Variants in BBS5 observed in about 807,000 individuals in gnomAD.
BBS5 encodes the protein Bardet-Biedl syndrome 5, also known as BBSome complex member BBS5.
In BBS5, 39 loss-of-function variants were observed where a neutral mutation model predicts 50.2. The observed-to-expected ratio is 0.78, with a 90% confidence interval of 0.60 to 1.01. BBS5 has a LOEUF of 1.01. Among genes scored for constraint, BBS5 ranks in the 50% least tolerant of loss-of-function variants. BBS5 has a pLI of 0.00. For synonymous variants in BBS5, 134 were observed against 133.1 expected (o/e 1.01, Z -0.05); for missense variants, 356 against 401.5 (o/e 0.89, Z 0.97).
At position 169,487,849 on chromosome 2, in the gene BBS5, T is replaced by TA. The variant is rs1559122150; in HGVS notation, c.254dup (p.Asn85LysfsTer3). Reference sequence around the variant, plus strand: ...TATTGAATATTACAACAAGGACTGCTAACTCTGTAAGTCTAAAAAATCTTA... The same window carrying TA: ...TATTGAATATTACAACAAGGACTGCTAAACTCTGTAAGTCTAAAAAATCTTA... On this transcript the variant is annotated frameshift_variant, in exon 4 of 12. Transcript: ENST00000295240. LOFTEE classifies it high-confidence loss of function. The TA allele has an allele frequency of 1.2e-6, 2 of 1,605,938 alleles. No homozygotes were observed. Among genetic ancestry groups the TA allele is most frequent in the South Asian group, 2.2e-5 (2 of 90,646 alleles).
chr2:169,497,516 G>A (rs1683714076), intron 7 of BBS5, 111 bp from the exon 8 acceptor site: 21 of 692,610 alleles, frequency 3.0e-5, no homozygotes, highest in Admixed American at 1.6e-4. Context: ...GGAGAATTCT[G>A]TTCTTTAGAC....
intron 3 of BBS5, 65 bp from the exon 4 acceptor site, chr2:169,487,741 T>A (rs1683510545): frequency 2.5e-6 from 3 of 1,210,606 alleles, no homozygotes; most frequent in African/African-American, 1.5e-5. Context: ...ACTTTTTTTT[T>A]AGAAAAGTAT....
chr2:169,504,027 A>C (rs1416331837), intron 10 of BBS5, among the ~76,000 whole-genome samples: 1 of 151,950 alleles, frequency 6.6e-6, no homozygotes. Context: ...CCACATGATG[A>C]TTAAGTCATT....
Position 169,502,985 on chromosome 2 carries a change from GA to G in BBS5, c.817-109del, listed in dbSNP as rs1683836470. The G allele has an allele frequency of 2.4e-6, 2 of 824,544 alleles. 1 individual carries two copies. The highest frequency in any genetic ancestry group is 4.0e-6 in the Non-Finnish European group (2 of 496,254). The allele number at this position is 824,544 out of a possible 1,614,324, so 51.1% of individuals were successfully genotyped here. A position where few individuals can be genotyped will look rare whatever the true frequency, so the allele number is the denominator to read the frequency against. ...TTAATAAAATAACAAATTATACCGTGATTTTTATAAGACTTTAGTAGTTTGT... is the reference window on the plus strand; with the variant it reads ...TTAATAAAATAACAAATTATACCGTGTTTTTATAAGACTTTAGTAGTTTGT... On this transcript the variant is annotated intron_variant, in intron 9 of 11. Coordinates refer to ENST00000295240, the MANE Select transcript of BBS5 (RefSeq NM_152384.3).
chr2:169,495,922 C>T (rs771694506), intron 7 of BBS5, among the ~76,000 whole-genome samples: 9 of 152,192 alleles, frequency 5.9e-5, no homozygotes, highest in Non-Finnish European at 8.8e-5. Context: ...CCTATATAGG[C>T]GTGAGCCCCC....
Position 169,505,153 on chromosome 2 carries a change from C to G in BBS5, c.*571C>G, listed in dbSNP as rs1045163856. 1 of 658,942 alleles carries G rather than the reference C, an allele frequency of 1.5e-6. No individual in the cohort carries two copies. Among genetic ancestry groups the G allele is most frequent in the African/African-American group, 1.8e-5 (1 of 55,910 alleles). 40.8% of individuals were successfully genotyped at this position (658,942 alleles called of 1,614,324 possible). ...TATTTTTTTGGTGGAGACGGGGTTT[C>G]GCTGTGTTGGCCGGGCTGGTCTCCA... On this transcript the variant is annotated 3_prime_UTR_variant, in exon 12 of 12. Transcript: ENST00000295240.
At chr2:169,491,555 A>G (rs1683601228) in intron 5 of BBS5, among the ~76,000 whole-genome samples, 1 of 152,218 alleles carries the variant, frequency 6.6e-6, no homozygotes, top group African/African-American at 2.4e-5. Context: ...ATTAAAATTA[A>G]TCAAAAGTTA....
Position 169,499,598 on chromosome 2 carries a change from T to A in BBS5, c.794T>A (p.Val265Asp), listed in dbSNP as rs760369493. 23 of 1,613,852 alleles carry A rather than the reference T, an allele frequency of 1.4e-5. No homozygotes were observed. Among genetic ancestry groups the A allele is most frequent in the Non-Finnish European group, 1.9e-5 (23 of 1,179,856 alleles). Residue 265 changes from valine (V) to aspartate (D), a missense_variant, in exon 9 of 12, where the codon GTT becomes GAT. Coordinates refer to ENST00000295240, the MANE Select transcript of BBS5 (RefSeq NM_152384.3). ...TATTCTGCCAGTCCCATATTTGGAG[T>A]TGATTATGAGATGGAAGAAAAGGTA... ...KVYSASPIFG[V>D]DYEMEEKPQP...
At chr2:169,488,332 A>C (rs919695186) in intron 5 of BBS5, among the ~76,000 whole-genome samples, 1 of 152,188 alleles carries the variant, frequency 6.6e-6, no homozygotes, top group African/African-American at 2.4e-5. Flanking sequence ...ATGTAGAATC[A>C]GTGGGAGCCC....
Position 169,505,932 on chromosome 2 carries a change from C to A in BBS5, c.*1350C>A. On this transcript the variant is annotated 3_prime_UTR_variant, in exon 12 of 12. Transcript: ENST00000295240. ...GTGAGGAGCCCCTCTGCCCCGCCAG[C>A]CACCCCGTCCGGGAGGGAGGTGGGG... The A allele has an allele frequency of 6.8e-6, 1 of 146,418 alleles. No individual in the cohort carries two copies. Among genetic ancestry groups the A allele is most frequent in the Non-Finnish European group, 1.5e-5 (1 of 66,758 alleles). The allele number at this position is 146,418 out of a possible 1,614,324, so 9.1% of individuals were successfully genotyped here. A position where few individuals can be genotyped will look rare whatever the true frequency, so the allele number is the denominator to read the frequency against.
Position 169,479,495 on chromosome 2 carries a change from G to A in BBS5, c.-59G>A. 1.3e-6 allele frequency: 2 copies of A among 1,595,858 alleles called. No homozygotes were observed. Among genetic ancestry groups the A allele is most frequent in the Non-Finnish European group, 1.7e-6 (2 of 1,165,056 alleles). ...GAGGCGGCCCGTTGCCTTGGAGCCA[G>A]AGAGACGCAGCTAGGCCTGCACGGC... On this transcript the variant is annotated 5_prime_UTR_variant, in exon 1 of 12. Coordinates refer to ENST00000295240, the MANE Select transcript of BBS5 (RefSeq NM_152384.3).
chr2:169,505,236 C>T lies in BBS5; in HGVS notation c.*654C>T, dbSNP rs1447719133. The T allele has an allele frequency of 2.1e-5, 10 of 467,148 alleles. No homozygotes were observed. The highest frequency in any genetic ancestry group is 3.2e-5 in the Non-Finnish European group (8 of 251,212). The allele number at this position is 467,148 out of a possible 1,614,324, so 28.9% of individuals were successfully genotyped here. A position where few individuals can be genotyped will look rare whatever the true frequency, so the allele number is the denominator to read the frequency against. ...CCTCCCGAGGTGCCGGGATTGCAGA[C>T]GGAGTCTGGTTCACTTAGTGCTCAA... On this transcript the variant is annotated 3_prime_UTR_variant, in exon 12 of 12. Transcript: ENST00000295240.
At chr2:169,499,176 T>C (rs1683751945) in intron 8 of BBS5, 1 of 298,566 alleles carries the variant, frequency 3.3e-6, no homozygotes, top group South Asian at 4.0e-5. Flanking sequence ...GATGAACTTA[T>C]ATTTGAATAC....
In BBS5 at chr2:169,506,490, T is replaced by TAA. The variant is rs77146558; in HGVS notation, c.*1920_*1921dup. 0.039 allele frequency: 5,624 copies of TAA among 143,014 alleles called. 137 individuals are homozygous for TAA. The highest frequency in any genetic ancestry group is 0.11 in the East Asian group (534 of 4,916). 8.9% of individuals were successfully genotyped at this position (143,014 alleles called of 1,614,324 possible). Reference sequence around the variant, plus strand: ...TCTTACCCTAAAACTTAAAGTATAATAAAAAAAAAAAAACTTCAGTTTTCT... The same window carrying TAA: ...TCTTACCCTAAAACTTAAAGTATAATAAAAAAAAAAAAAAACTTCAGTTTTCT... On this transcript the variant is annotated 3_prime_UTR_variant, in exon 12 of 12. Coordinates refer to ENST00000295240, the MANE Select transcript of BBS5 (RefSeq NM_152384.3).
intron 8 of BBS5, among the ~76,000 whole-genome samples, chr2:169,497,963 A>G (rs1167378797): frequency 3.9e-5 from 6 of 152,190 alleles, no homozygotes; most frequent in Non-Finnish European, 5.9e-5. Context: ...TTCATGCATT[A>G]TCTCAATCTT....
chr2:169,494,932 G>C (rs1277763159), intron 7 of BBS5, among the ~76,000 whole-genome samples: 1 of 152,144 alleles, frequency 6.6e-6, no homozygotes, highest in Non-Finnish European at 1.5e-5. Flanking sequence ...TGGCCCATGA[G>C]AAGAATAATT....
At chr2:169,483,535 C>G (rs1454725053) in intron 2 of BBS5, among the ~76,000 whole-genome samples, 1 of 152,084 alleles carries the variant, frequency 6.6e-6, no homozygotes, top group Non-Finnish European at 1.5e-5. Flanking sequence ...ATAGTGGTAG[C>G]TATAAAATTC....
In BBS5 at chr2:169,498,370, A is replaced by G. The variant is rs185787827; in HGVS notation, c.681+681A>G. 1.5e-4 allele frequency among the ~76,000 whole-genome samples: 23 copies of G among 152,318 alleles called. No individual in the cohort carries two copies. In the East Asian group the frequency reaches 4.4e-3, roughly 29 times the overall value. On this transcript the variant is annotated intron_variant, in intron 8 of 11. Coordinates refer to ENST00000295240, the MANE Select transcript of BBS5 (RefSeq NM_152384.3). ...TATCATCTACATTCTAAATTTAAAC[A>G]TGAATGTCTGCTTACTCCTTTCTCC...
chr2:169,492,572 C>T (rs988664469), intron 5 of BBS5, among the ~76,000 whole-genome samples: 13 of 151,586 alleles, frequency 8.6e-5, no homozygotes, highest in African/African-American at 3.2e-4. Context: ...CTGTAATTGC[C>T]AGACCTTATT....
Sources: allele counts gnomAD v4.1 joint callset (sites outside exome capture counted in the v4.1 genomes callset), GRCh38; gene constraint gnomAD v4.1.1; transcripts MANE v1.5; gene names NCBI Gene and HGNC (gene_info 2026-07-23, HGNC 2026-07-21).